Variants in ADGRD1 observed in about 807,000 individuals in gnomAD.
The protein encoded by ADGRD1 is G-protein coupled receptor 133.
ADGRD1 carries 77 observed loss-of-function variants against 113.4 expected under a neutral mutation model. The ratio of observed to expected loss-of-function variants is 0.68; its 90% CI spans 0.57 to 0.82. ADGRD1 has a LOEUF of 0.82. Among genes scored for constraint, ADGRD1 ranks in the 40% least tolerant of loss-of-function variants. The pLI is 0.00. For missense variants in ADGRD1, 1,036 were observed against 1,139.1 expected, an observed-to-expected ratio of 0.91 and a Z score of 1.30; for synonymous variants, 474 against 475.0, an observed-to-expected ratio of 1.00 and a Z score of 0.03.
At chr12:131,102,902 C>T (rs146317834) in intron 15 of ADGRD1, among the ~76,000 whole-genome samples, 226 of 152,324 alleles carry the variant, frequency 1.5e-3, no homozygotes, top group African/African-American at 5.2e-3. Context: ...AACAAGAAAC[C>T]GCAGCCATTC....
intron 17 of ADGRD1, among the ~76,000 whole-genome samples, chr12:131,107,326 C>T (rs1725810): frequency 2.0e-5 from 3 of 149,752 alleles, no homozygotes; most frequent in Admixed American, 1.3e-4. Flanking sequence ...GGGTCCCGCT[C>T]TCCCAGAGAC....
intron 14 of ADGRD1, among the ~76,000 whole-genome samples, chr12:131,083,965 C>T (rs373571084): frequency 2.3e-4 from 35 of 152,150 alleles, no homozygotes; most frequent in Non-Finnish European, 3.8e-4. Context: ...GTTGGCTCCA[C>T]GGGCCTTGCG....
In ADGRD1 at chr12:130,966,582, G is replaced by T; in HGVS notation, c.187+36G>T. 1 of 1,280,610 alleles carries T rather than the reference G, an allele frequency of 7.8e-7. No individual in the cohort carries two copies. The highest frequency in any genetic ancestry group is 1.2e-5 in the South Asian group (1 of 84,304). The allele number at this position is 1,280,610 out of a possible 1,614,324, so 79.3% of individuals were successfully genotyped here. On this transcript the variant is annotated intron_variant, in intron 3 of 24. Coordinates refer to ENST00000261654, the MANE Select transcript of ADGRD1 (RefSeq NM_198827.5). This position sits in a 1 kb window ranked among gnomAD's most constrained non-coding sequence, Gnocchi z 4.6. Reference sequence around the variant, plus strand: ...GGGTGCTGAGAGCGGCTGTGGGCGCGGGAATCCCAGGGCCATCAGGAGGCG... The same window carrying T: ...GGGTGCTGAGAGCGGCTGTGGGCGCTGGAATCCCAGGGCCATCAGGAGGCG...
At chr12:131,016,892 C>CA (rs11401802) in intron 13 of ADGRD1, among the ~76,000 whole-genome samples, 127,658 of 145,168 alleles carry the variant, frequency 0.88, 56,134 homozygotes, top group East Asian at 0.94. Flanking sequence ...GACTCTGCCT[C>CA]AAAAAAAAAA....
Position 130,968,308 on chromosome 12 carries a change from C to A in ADGRD1, c.187+1762C>A, listed in dbSNP as rs1035792132. The stretch of plus-strand genomic sequence containing the variant: ...ACTTCCAGTAAAGCACTAATATATC[C>A]GTGTTAGTCCTGGAACATTGCAATG... On this transcript the variant is annotated intron_variant, in intron 3 of 24. Coordinates refer to ENST00000261654, the MANE Select transcript of ADGRD1 (RefSeq NM_198827.5). 2.0e-5 allele frequency: 3 copies of A among 152,402 alleles called. No homozygotes were observed. In the South Asian group the frequency reaches 6.2e-4, roughly 32 times the overall value. 9.4% of individuals were successfully genotyped at this position (152,402 alleles called of 1,614,324 possible).
chr12:131,044,757 G>A (rs1404817928), intron 13 of ADGRD1, among the ~76,000 whole-genome samples: 1 of 152,172 alleles, frequency 6.6e-6, no homozygotes, highest in Non-Finnish European at 1.5e-5. Flanking sequence ...CACACACGAC[G>A]GCATCACGCT....
chr12:130,982,104 A>T, intron 5 of ADGRD1, 41 bp downstream of exon 5: 1 of 1,533,488 alleles, frequency 6.5e-7, no homozygotes, highest in African/African-American at 1.5e-5. Flanking sequence ...TGCCTGGAGG[A>T]GTGGAGTCTT....
At chr12:131,070,867 G>A (rs1244474260) in intron 13 of ADGRD1, 1 of 519,076 alleles carries the variant, frequency 1.9e-6, no homozygotes, top group African/African-American at 1.9e-5. Flanking sequence ...TGGAGTGTCT[G>A]CACGGGACGT....
rs1349329026 is a variant in ADGRD1, at chr12:131,096,396, A to G, written c.1672-8435A>G. ...CAAGCAGCTGAGACTAGAGGTGTGC[A>G]CCACCATGCCTGGCAAGATAGCACA... On this transcript the variant is annotated intron_variant, in intron 15 of 24. Coordinates refer to ENST00000261654, the MANE Select transcript of ADGRD1 (RefSeq NM_198827.5). This position sits in a 1 kb window ranked among gnomAD's most constrained non-coding sequence, Gnocchi z 5.2. Among the ~76,000 whole-genome samples the G allele has an allele frequency of 6.6e-6, 1 of 152,106 alleles. No individual in the cohort carries two copies. Among genetic ancestry groups the G allele is most frequent in the Non-Finnish European group, 1.5e-5 (1 of 68,016 alleles).
At chr12:131,127,667 C>T (rs12824185) in intron 20 of ADGRD1, among the ~76,000 whole-genome samples, 19,569 of 133,408 alleles carry the variant, frequency 0.15, 2,619 homozygotes, top group Non-Finnish European at 0.21. Context: ...TTATGGGACT[C>T]TGAGCTCAGG....
chr12:131,120,602 T>C, intron 19 of ADGRD1: 1 of 593,780 alleles, frequency 1.7e-6, no homozygotes, highest in Non-Finnish European at 3.0e-6. Context: ...AAATCTATTC[T>C]GGATTTTGGC....
chr12:131,136,503 G>A (rs1951090131), intron 22 of ADGRD1, among the ~76,000 whole-genome samples: 1 of 152,244 alleles, frequency 6.6e-6, no homozygotes. Flanking sequence ...CCCTCTGTGT[G>A]AAGGGCCAGG....
At chr12:130,981,821 T>C (rs555612170) in intron 4 of ADGRD1, 63 bp from the exon 5 acceptor site, 63 of 1,072,074 alleles carry the variant, frequency 5.9e-5, no homozygotes, top group Admixed American at 8.5e-5. Flanking sequence ...AAGAGAACCA[T>C]GTGCTTGCGA....
chr12:131,128,802 C>T (rs574019254), intron 20 of ADGRD1, among the ~76,000 whole-genome samples: 58 of 152,172 alleles, frequency 3.8e-4, no homozygotes, highest in African/African-American at 1.3e-3. Context: ...TGTCTCAGAC[C>T]CACAAAGTGT....
intron 15 of ADGRD1, among the ~76,000 whole-genome samples, chr12:131,102,931 C>T (rs1284106135): frequency 3.3e-5 from 5 of 152,156 alleles, no homozygotes; most frequent in Admixed American, 3.3e-4. Flanking sequence ...GGACGGGGGC[C>T]CCATTTCTTC....
At position 130,984,716 on chromosome 12, in the gene ADGRD1, C is replaced by T. The variant is rs571310515; in HGVS notation, c.491-2379C>T. 3.3e-5 allele frequency among the ~76,000 whole-genome samples: 5 copies of T among 151,930 alleles called. No individual in the cohort carries two copies. Among genetic ancestry groups the T allele is most frequent in the East Asian group, 1.9e-4 (1 of 5,180 alleles). The stretch of plus-strand genomic sequence containing the variant: ...CTATGGGTTGGTGAGGTTGATCTTT[C>T]GCCCATTTTAAAAATTGGATTGTTT... On this transcript the variant is annotated intron_variant, in intron 5 of 24. Transcript: ENST00000261654. The surrounding 1 kb of genome is among the most constrained non-coding windows in gnomAD (Gnocchi z 4.1).
chr12:130,998,356 A>C (rs1875891911), intron 8 of ADGRD1, among the ~76,000 whole-genome samples: 1 of 152,198 alleles, frequency 6.6e-6, no homozygotes, highest in African/African-American at 2.4e-5. Flanking sequence ...GACCCTGGGG[A>C]TGAGTCATGC....
At chr12:130,959,033 G>C (rs1870036582) in intron 2 of ADGRD1, among the ~76,000 whole-genome samples, 1 of 152,198 alleles carries the variant, frequency 6.6e-6, no homozygotes, top group Non-Finnish European at 1.5e-5. Context: ...GACACAGACA[G>C]AGATTCTTGG....
At chr12:131,055,535 C>T (rs886549128) in intron 13 of ADGRD1, among the ~76,000 whole-genome samples, 4 of 152,104 alleles carry the variant, frequency 2.6e-5, no homozygotes, top group Non-Finnish European at 4.4e-5. Context: ...ATGAGAGTCA[C>T]GATTTACCTT....
Sources: allele counts gnomAD v4.1 joint callset (sites outside exome capture counted in the v4.1 genomes callset), GRCh38; gene constraint gnomAD v4.1.1; non-coding constraint Gnocchi (gnomAD v3.1); transcripts MANE v1.5; gene names NCBI Gene and HGNC (gene_info 2026-07-23, HGNC 2026-07-21).